Variants in ADH1B observed in about 807,000 individuals in gnomAD.
The protein encoded by ADH1B is alcohol dehydrogenase 1B (class I), beta polypeptide.
A neutral mutation model predicts 34.6 loss-of-function variants in ADH1B; 29 were observed. The ratio of observed to expected loss-of-function variants is 0.84; its 90% confidence interval spans 0.62 to 1.14. The LOEUF is 1.14. Ranked by LOEUF, ADH1B falls within the 50% of genes most tolerant of loss-of-function variation. ADH1B has a pLI of 0.00. For synonymous variants in ADH1B, 170 were observed against 175.5 expected, an observed-to-expected ratio of 0.97 and a Z score of 0.25; for missense variants, 424 against 468.4, an observed-to-expected ratio of 0.91 and a Z score of 0.87.
Position 99,311,563 on chromosome 4 carries a change from G to A in ADH1B, c.922C>T (p.Leu308=). ...TTCCAGGTGCGTCCAGTCAGTAGCA[G>A]CATAGGGTTTATTGAGAGGTTCTGG... is the stretch of plus-strand genomic sequence containing the variant. ...ASQNLSINPM[L]LLTGRTWKGA... is the part of the protein sequence containing the mutation. Residue 308 remains leucine (L), a synonymous_variant, in exon 7 of 9, where the codon CTG becomes TTG. Transcript: ENST00000305046. The A allele has an allele frequency of 1.2e-6, 2 of 1,614,072 alleles. No individual in the cohort carries two copies. The highest frequency in any genetic ancestry group is 1.7e-6 in the Non-Finnish European group (2 of 1,179,976).
chr4:99,312,368 T>A (rs1478581467), intron 6 of ADH1B, among the ~76,000 whole-genome samples: 1 of 152,198 alleles, frequency 6.6e-6, no homozygotes, highest in Non-Finnish European at 1.5e-5. Flanking sequence ...AGAGAAAAGC[T>A]GTAGCCCTGG....
intron 2 of ADH1B, 197 bp from the exon 3 acceptor site, chr4:99,318,381 G>A (rs1733941806): frequency 1.5e-6 from 1 of 652,004 alleles, no homozygotes; most frequent in African/African-American, 1.9e-5. Flanking sequence ...TTCCCTTCTT[G>A]AATTAAACAA....
rs555863882 is a variant in ADH1B at position 99,318,804 on chromosome 4, G to A, written c.101C>T (p.Ala34Val). 263 of 1,613,472 alleles carry A rather than the reference G, an allele frequency of 1.6e-4. No individual in the cohort carries two copies. Among genetic ancestry groups the A allele is most frequent in the Non-Finnish European group, 2.1e-4 (251 of 1,179,630 alleles). The change falls in exon 2 of 9, where the codon GCT becomes GTT. Residue 34 changes from alanine (A) to valine (V), a missense_variant. Ala to Val is a moderately conservative substitution (Grantham distance 64). Around this residue, in one of 3 missense-constraint regions of ADH1B, gnomAD observed 291 missense variants for 300.4 expected, o/e 0.97. Transcript: ENST00000305046. Reference sequence around the variant, plus strand: ...TTTCACCTTAATGCGAACTTCATAAGCCTTAGGAGGTGCAACCTCCACATC... The same window carrying A: ...TTTCACCTTAATGCGAACTTCATAAACCTTAGGAGGTGCAACCTCCACATC... ...IEDVEVAPPK[A>V]YEVRIKMVAV...
At chr4:99,315,502 A>C in intron 5 of ADH1B, 1 of 280,446 alleles carries the variant, frequency 3.6e-6, no homozygotes, top group South Asian at 3.8e-5. Context: ...GAGGATCCAC[A>C]GACTAGATGG....
chr4:99,316,512 T>A, intron 3 of ADH1B: 1 of 615,742 alleles, frequency 1.6e-6, no homozygotes, highest in Non-Finnish European at 2.8e-6. Context: ...TACTGAGAAA[T>A]CGCAAATGTG....
chr4:99,308,013 A>G, intron 8 of ADH1B, 149 bp from the exon 9 acceptor site: 1 of 1,027,314 alleles, frequency 9.7e-7, no homozygotes, highest in Non-Finnish European at 1.4e-6. Flanking sequence ...TGGTTCAAGA[A>G]AAAGGAAGTT....
Position 99,315,924 on chromosome 4 carries a change from A to G in ADH1B, c.541T>C (p.Tyr181His), listed in dbSNP as rs1313813765. The change falls in exon 5 of 9, where the codon TAT becomes CAT. Residue 181 changes from tyrosine (Y) to histidine (H), a missense_variant. Around this residue, in one of 3 missense-constraint regions of ADH1B, gnomAD observed 291 missense variants for 300.4 expected, o/e 0.97. Transcript: ENST00000305046. ...CLIGCGFSTG[Y>H]GSAVNVAKVT... is the part of the protein sequence containing the mutation. ...TTGGCAACGTTAACTGCAGACCCAT[A>G]ACCAGTCGAGAATCCACAGCCAATG... The G allele has an allele frequency of 6.2e-7, 1 of 1,614,172 alleles. No homozygotes were observed. The highest frequency in any genetic ancestry group is 1.1e-5 in the South Asian group (1 of 91,084).
Position 99,318,101 on chromosome 4 carries a change from A to G in ADH1B, c.204T>C (p.His68=). ...LVTPLPVILG[H]EAAGIVESVG... ...CACTCTCCACGATGCCGGCTGCCTC[A>G]TGGCCTAAAATCACAGGAAGGGGGG... Residue 68 remains histidine, a synonymous_variant, in exon 3 of 9, where the codon CAT becomes CAC. Coordinates refer to ENST00000305046, the MANE Select transcript of ADH1B (RefSeq NM_000668.6). 3 of 1,614,078 alleles carry G rather than the reference A, an allele frequency of 1.9e-6. No homozygotes were observed. Among genetic ancestry groups the G allele is most frequent in the South Asian group, 1.1e-5 (1 of 91,084 alleles).
rs56951572 is a variant in ADH1B at position 99,305,561 on chromosome 4, GTA to G, written c.*2277_*2278del. 7.7e-3 allele frequency: 380 copies of G among 49,262 alleles called. 17 individuals carry two copies. The highest frequency in any genetic ancestry group is 0.02 in the African/African-American group (215 of 10,810). The allele number at this position is 49,262 out of a possible 1,614,324, so 3.1% of individuals were successfully genotyped here. A position where few individuals can be genotyped will look rare whatever the true frequency, so the allele number is the denominator to read the frequency against. ...CTATATGAACCACTTGCCCCATAGT[GTA>G]TATATATATATATATATATATATAT... On this transcript the variant is annotated 3_prime_UTR_variant, in exon 9 of 9. Coordinates refer to ENST00000305046, the MANE Select transcript of ADH1B (RefSeq NM_000668.6).
chr4:99,313,336 G>C (rs1406958130), intron 6 of ADH1B, among the ~76,000 whole-genome samples: 2 of 151,838 alleles, frequency 1.3e-5, no homozygotes, highest in Non-Finnish European at 2.9e-5. Flanking sequence ...ATTTCCTTAG[G>C]GCATATTTTT....
intron 8 of ADH1B, 91 bp downstream of exon 8, chr4:99,310,674 A>G (rs1733726708): frequency 6.7e-7 from 1 of 1,502,382 alleles, no homozygotes. Flanking sequence ...GGGACTCTAT[A>G]TTTTCTCATC....
At position 99,318,146 on chromosome 4, in the gene ADH1B, C is replaced by G. The variant is rs970032980; in HGVS notation, c.159G>C (p.Val53=). The G allele has an allele frequency of 6.2e-7, 1 of 1,613,978 alleles. No homozygotes were observed. Among genetic ancestry groups the G allele is most frequent in the African/African-American group, 1.3e-5 (1 of 74,898 alleles). The part of the protein sequence containing the change: ...AVGICHTDDH[V]VSGNLVTPLP... ...GGGGGGTCACCAGGTTGCCACTAAC[C>G]ACGTGGTCATCTGTGTGACAGATTC... Residue 53 remains valine, a synonymous_variant, in exon 3 of 9, where the codon GTG becomes GTC. Coordinates refer to ENST00000305046, the MANE Select transcript of ADH1B (RefSeq NM_000668.6).
chr4:99,308,397 A>G (rs1410899965), intron 8 of ADH1B, among the ~76,000 whole-genome samples: 1 of 147,958 alleles, frequency 6.8e-6, no homozygotes, highest in Non-Finnish European at 1.5e-5. Flanking sequence ...CCCAAATACA[A>G]ATTTGCAAAA....
At chr4:99,312,938 G>T (rs1477403548) in intron 6 of ADH1B, among the ~76,000 whole-genome samples, 4 of 152,126 alleles carry the variant, frequency 2.6e-5, no homozygotes, top group Non-Finnish European at 4.4e-5. Flanking sequence ...CACATGCGTT[G>T]TCTCATGTAA....
chr4:99,311,737 C>T, intron 6 of ADH1B, 81 bp from the exon 7 acceptor site: 1 of 1,552,960 alleles, frequency 6.4e-7, no homozygotes, highest in South Asian at 1.2e-5. Context: ...ATGTAATAGG[C>T]TTAACTGGAT....
At position 99,315,982 on chromosome 4, in the gene ADH1B, A is replaced by C. The variant is rs201788898; in HGVS notation, c.483T>G (p.Ile161Met). 6.2e-7 allele frequency: 1 copy of C among 1,614,218 alleles called. No individual in the cohort carries two copies. Among genetic ancestry groups the C allele is most frequent in the Non-Finnish European group, 8.5e-7 (1 of 1,180,034 alleles). The change falls in exon 5 of 9, where the codon ATT (isoleucine) becomes ATG (methionine). Residue 161 changes from isoleucine (I) to methionine (M), a missense_variant. Ile to Met is a conservative substitution (Grantham distance 10). Around this residue, in one of 3 missense-constraint regions of ADH1B, gnomAD observed 291 missense variants for 300.4 expected, o/e 0.97. Coordinates refer to ENST00000305046, the MANE Select transcript of ADH1B (RefSeq NM_000668.6). Reference sequence around the variant, plus strand: ...CTTTCTCCAGGGGCGAGGCTGCATCAATTTTGGCCACTGCATTCTCATCCA... The same window carrying C: ...CTTTCTCCAGGGGCGAGGCTGCATCCATTTTGGCCACTGCATTCTCATCCA... Reference protein sequence around the residue: ...TVVDENAVAKIDAASPLEKVC... With the variant: ...TVVDENAVAKMDAASPLEKVC...
chr4:99,318,963 A>C (rs564372124), intron 1 of ADH1B, 77 bp from the exon 2 acceptor site: 1 of 1,474,062 alleles, frequency 6.8e-7, no homozygotes, highest in Non-Finnish European at 9.5e-7. Flanking sequence ...TCATCTTTGT[A>C]CATGTAATAT....
chr4:99,310,976 TA>T (rs1733741074), intron 7 of ADH1B, 73 bp from the exon 8 acceptor site: 2 of 1,554,172 alleles, frequency 1.3e-6, no homozygotes, highest in African/African-American at 1.4e-5. Flanking sequence ...ATTTTCCAAA[TA>T]AATCAAAGTT....
rs755337356 is a variant in ADH1B at position 99,321,297 on chromosome 4, A to G, written c.18+17T>C. The G allele has an allele frequency of 1.2e-6, 2 of 1,603,246 alleles. No homozygotes were observed. The highest frequency in any genetic ancestry group is 2.2e-5 in the East Asian group (1 of 44,618). On this transcript the variant is annotated intron_variant, in intron 1 of 8. Coordinates refer to ENST00000305046, the MANE Select transcript of ADH1B (RefSeq NM_000668.6). Reference sequence around the variant, plus strand: ...TGATGAGAATATATTACCAACAGTAATATATTTTTTGCTTACTTTTCCTGC... The same window carrying G: ...TGATGAGAATATATTACCAACAGTAGTATATTTTTTGCTTACTTTTCCTGC...
Sources: allele counts gnomAD v4.1 joint callset (sites outside exome capture counted in the v4.1 genomes callset), GRCh38; gene constraint gnomAD v4.1.1; regional missense constraint gnomAD v4.1.1; transcripts MANE v1.5; gene names NCBI Gene and HGNC (gene_info 2026-07-23, HGNC 2026-07-21).